The following ATP9A variants were observed in gnomAD, a reference collection of about 807,000 sequenced individuals.
ATP9A encodes the protein probable phospholipid-transporting ATPase IIA.
Under a neutral mutation model 144.1 loss-of-function variants are expected in ATP9A, and 52 were observed. The observed-to-expected ratio is 0.36, with a 90% CI of 0.29 to 0.45. The LOEUF (loss-of-function observed/expected upper bound fraction) is 0.45. Ranked by LOEUF, ATP9A falls within the 20% of genes least tolerant of loss-of-function variation. The pLI is 1.00. For synonymous variants in ATP9A, 582 were observed against 557.4 expected (o/e 1.04, Z -0.62); for missense variants, 947 against 1,392.7 (o/e 0.68, Z 5.09).
intron 15 of ATP9A, among the ~76,000 whole-genome samples, chr20:51,635,923 A>G (rs532986248): frequency 3.3e-5 from 5 of 151,686 alleles, no homozygotes; most frequent in Admixed American, 6.6e-5. Context: ...TCCTTACTCC[A>G]GGGAAATACA....
chr20:51,746,665 T>C (rs1471701364), intron 1 of ATP9A, among the ~76,000 whole-genome samples: 4 of 152,106 alleles, frequency 2.6e-5, no homozygotes, highest in African/African-American at 9.7e-5. Flanking sequence ...CAGTGAAACC[T>C]CGTCTCTACT....
intron 15 of ATP9A, among the ~76,000 whole-genome samples, chr20:51,633,414 T>C (rs2077277763): frequency 1.3e-5 from 2 of 152,094 alleles, no homozygotes; most frequent in South Asian, 4.1e-4. Flanking sequence ...TGAAAGGAAA[T>C]CCCTTGAAAA....
intron 18 of ATP9A, among the ~76,000 whole-genome samples, chr20:51,622,584 G>A (rs1023977644): frequency 1.1e-4 from 16 of 152,218 alleles, no homozygotes; most frequent in South Asian, 4.1e-4. Flanking sequence ...GACTTTCTAT[G>A]TAGTTGGATG....
In ATP9A at chr20:51,635,597, C is replaced by G. The variant is rs1183695953; in HGVS notation, c.1668+3746G>C. Among the ~76,000 whole-genome samples the G allele has an allele frequency of 2.6e-5, 4 of 151,680 alleles. No individual in the cohort carries two copies. In the East Asian group the frequency reaches 7.8e-4, roughly 29 times the overall value. On this transcript the variant is annotated intron_variant, in intron 15 of 27. Transcript: ENST00000338821. ...CACTAAACGATAAGAATTAGCAGAG[C>G]ATGGTGGTGTGCACCTGTAGTCCCA...
chr20:51,656,846 C>G, intron 14 of ATP9A, 92 bp downstream of exon 14: 2 of 1,231,894 alleles, frequency 1.6e-6, no homozygotes, highest in Non-Finnish European at 2.3e-6. Flanking sequence ...CCTGTCTGCC[C>G]TGACACATTG....
At chr20:51,653,786 C>G (rs1568804723) in intron 14 of ATP9A, among the ~76,000 whole-genome samples, 1 of 151,756 alleles carries the variant, frequency 6.6e-6, no homozygotes, top group Non-Finnish European at 1.5e-5. Context: ...AAAAAAAAGG[C>G]CTGGCACGGT....
At chr20:51,767,742 C>A (rs1378748540) in intron 1 of ATP9A, among the ~76,000 whole-genome samples, 1 of 152,124 alleles carries the variant, frequency 6.6e-6, no homozygotes, top group African/African-American at 2.4e-5. Flanking sequence ...TTCGGGTCCA[C>A]CCCGGGCGGA....
intron 9 of ATP9A, 49 bp from the exon 10 acceptor site, chr20:51,676,257 GAC>G: frequency 7.1e-7 from 1 of 1,416,586 alleles, no homozygotes. Context: ...TATTAATACA[GAC>G]AGGCAGGCTT....
intron 9 of ATP9A, among the ~76,000 whole-genome samples, chr20:51,677,920 G>A (rs751760647): frequency 2.6e-5 from 4 of 152,082 alleles, no homozygotes; most frequent in Non-Finnish European, 5.9e-5. Flanking sequence ...GCTGGCTGAC[G>A]TGCACACTGG....
rs775769348 is a variant in ATP9A at position 51,671,119 on chromosome 20, C to T, written c.1176G>A (p.Lys392=). The T allele has an allele frequency of 5.0e-6, 8 of 1,613,056 alleles. No individual in the cohort carries two copies. Among genetic ancestry groups the T allele is most frequent in the Non-Finnish European group, 6.8e-6 (8 of 1,179,076 alleles). Residue 392 remains lysine, a synonymous_variant, in exon 12 of 28, where the codon AAG becomes AAA. Transcript: ENST00000338821. ...AGGTCCCAGAAAGCAGCTCACCTGTCTTGTCTGTGAGTAAGTACGAAATCC... is the reference window on the plus strand; with the variant it reads ...AGGTCCCAGAAAGCAGCTCACCTGTTTTGTCTGTGAGTAAGTACGAAATCC... ...LGRISYLLTD[K]TGTLTQNEMI...
intron 13 of ATP9A, among the ~76,000 whole-genome samples, chr20:51,666,195 T>C (rs190423023): frequency 6.6e-6 from 1 of 152,136 alleles, no homozygotes; most frequent in Non-Finnish European, 1.5e-5. Context: ...AAACTCTTCC[T>C]TGGAGTCCAC....
intron 8 of ATP9A, 91 bp from the exon 9 acceptor site, chr20:51,689,230 G>A: frequency 1.5e-6 from 2 of 1,305,102 alleles, no homozygotes; most frequent in Non-Finnish European, 2.2e-6. Flanking sequence ...GAGATAGAAA[G>A]ACAGGCTCCC....
At chr20:51,644,591 C>T (rs1027305223) in intron 14 of ATP9A, among the ~76,000 whole-genome samples, 5 of 152,024 alleles carry the variant, frequency 3.3e-5, no homozygotes, top group African/African-American at 4.8e-5. Context: ...TCTATACCAC[C>T]GAAATGTTTC....
intron 1 of ATP9A, among the ~76,000 whole-genome samples, chr20:51,767,342 G>T (rs1249723009): frequency 6.6e-6 from 1 of 152,166 alleles, no homozygotes; most frequent in African/African-American, 2.4e-5. Flanking sequence ...CCAGAACTCT[G>T]ATTGGCGGGT....
chr20:51,621,418 C>T (rs770044797), intron 19 of ATP9A, among the ~76,000 whole-genome samples: 1 of 152,080 alleles, frequency 6.6e-6, no homozygotes, highest in Non-Finnish European at 1.5e-5. Flanking sequence ...GGTTTGCCAT[C>T]GTGGCTCTGG....
At chr20:51,700,697 G>A (rs2077589640) in intron 4 of ATP9A, among the ~76,000 whole-genome samples, 1 of 152,092 alleles carries the variant, frequency 6.6e-6, no homozygotes, top group Admixed American at 6.6e-5. Context: ...AGATGTGGTG[G>A]CACACGCCTG....
intron 14 of ATP9A, among the ~76,000 whole-genome samples, chr20:51,651,274 AT>A (rs1435794427): frequency 1.4e-5 from 2 of 138,718 alleles, no homozygotes; most frequent in South Asian, 4.2e-4. Context: ...TATAATATAT[AT>A]TTACATAATA....
intron 3 of ATP9A, among the ~76,000 whole-genome samples, chr20:51,718,837 A>AAAAC (rs1568834575): frequency 5.4e-5 from 6 of 110,902 alleles, no homozygotes; most frequent in African/African-American, 1.9e-4. Flanking sequence ...AAAAAAAAAA[A>AAAAC]AAAAAAAACA....
At chr20:51,716,089 T>C (rs1187189250) in intron 3 of ATP9A, among the ~76,000 whole-genome samples, 10 of 152,176 alleles carry the variant, frequency 6.6e-5, no homozygotes, top group African/African-American at 2.4e-4. Flanking sequence ...AAATGTTCCA[T>C]ATCTTGATTG....
Sources: allele counts gnomAD v4.1 joint callset (sites outside exome capture counted in the v4.1 genomes callset), GRCh38; gene constraint gnomAD v4.1.1; transcripts MANE v1.5; gene names NCBI Gene and HGNC (gene_info 2026-07-23, HGNC 2026-07-21).